Variants in GPR39 observed in about 807,000 individuals in gnomAD.
GPR39 encodes G protein-coupled receptor 39, also known as zinc sensing receptor.
A neutral mutation model predicts 18.4 loss-of-function variants in GPR39; 23 were observed. That is an observed-to-expected ratio of 1.25 (90% confidence interval 0.90 to 1.77). The LOEUF (loss-of-function observed/expected upper bound fraction) is 1.77. Ranked by LOEUF, GPR39 falls within the 40% of genes most tolerant of loss-of-function variation. GPR39 has a pLI of 0.00. For synonymous variants in GPR39, 280 were observed against 257.9 expected (o/e 1.09, Z -0.82); for missense variants, 647 against 602.4 (o/e 1.07, Z -0.78).
chr2:132,551,327 G>C (rs991661135), intron 1 of GPR39, among the ~76,000 whole-genome samples: 7 of 152,140 alleles, frequency 4.6e-5, no homozygotes, highest in African/African-American at 1.4e-4. Context: ...CTTCTGTTTA[G>C]ATCTCACTAG....
At chr2:132,455,218 A>T (rs958151942) in intron 1 of GPR39, among the ~76,000 whole-genome samples, 1 of 152,244 alleles carries the variant, frequency 6.6e-6, no homozygotes, top group Middle Eastern at 3.4e-3. Context: ...GGGAGGGTGT[A>T]TGTGTCCAGG....
intron 1 of GPR39, among the ~76,000 whole-genome samples, chr2:132,531,851 T>C (rs58695759): frequency 1.3e-5 from 2 of 152,114 alleles, no homozygotes; most frequent in Non-Finnish European, 2.9e-5. Flanking sequence ...TTCAAAGCAG[T>C]GTGTAGAGGG....
chr2:132,620,148 G>A (rs923263631), intron 1 of GPR39, among the ~76,000 whole-genome samples: 1 of 152,158 alleles, frequency 6.6e-6, no homozygotes, highest in African/African-American at 2.4e-5. Context: ...TGAGGGTGAG[G>A]CCCAGAGGTC....
chr2:132,606,891 G>A (rs754525973), intron 1 of GPR39, among the ~76,000 whole-genome samples: 22 of 152,206 alleles, frequency 1.4e-4, no homozygotes, highest in Non-Finnish European at 2.6e-4. Context: ...CCTGGAGTCC[G>A]CGTTGCCCCT....
intron 1 of GPR39, among the ~76,000 whole-genome samples, chr2:132,581,196 G>C (rs1680616446): frequency 6.6e-6 from 1 of 151,936 alleles, no homozygotes; most frequent in Admixed American, 6.6e-5. Context: ...GCTTTATTTT[G>C]TTAAATCATT....
rs1453548689 is a variant in GPR39, at chr2:132,417,284, T to A, written c.242T>A (p.Leu81Ter). The change falls in exon 1 of 2, where the codon TTG (leucine) becomes TAG (stop). Residue 81 changes from leucine to a stop codon, truncating the protein, a stop_gained. Coordinates refer to ENST00000329321, the MANE Select transcript of GPR39 (RefSeq NM_001508.3). LOFTEE classifies it high-confidence loss of function. ...HMVSLACSDI[L>*]VFLIGMPMEF... is the part of the protein sequence containing the mutation. ...GTGAGTTTGGCTTGCTCGGACATCT[T>A]GGTGTTCCTCATCGGCATGCCCATG... is the stretch of plus-strand genomic sequence containing the variant. 6.2e-7 allele frequency: 1 copy of A among 1,614,138 alleles called. No homozygotes were observed. Among genetic ancestry groups the A allele is most frequent in the South Asian group, 1.1e-5 (1 of 91,076 alleles).
At chr2:132,531,801 TGA>T (rs1427243180) in intron 1 of GPR39, among the ~76,000 whole-genome samples, 22 of 152,092 alleles carry the variant, frequency 1.4e-4, no homozygotes, top group Admixed American at 3.9e-4. Flanking sequence ...TTGAAACCAA[TGA>T]GAACAAAGAC....
chr2:132,595,826 G>A (rs1242640302), intron 1 of GPR39, among the ~76,000 whole-genome samples: 1 of 152,174 alleles, frequency 6.6e-6, no homozygotes, highest in Non-Finnish European at 1.5e-5. Context: ...AACCACCAAA[G>A]CAGGTTTCTA....
intron 1 of GPR39, among the ~76,000 whole-genome samples, chr2:132,532,902 A>G (rs1336952895): frequency 6.6e-6 from 1 of 152,204 alleles, no homozygotes; most frequent in East Asian, 1.9e-4. Flanking sequence ...TTGAATGGAC[A>G]AGAACTGGAA....
chr2:132,580,960 C>CAAAAAAAAAAAAAA (rs538565776), intron 1 of GPR39, among the ~76,000 whole-genome samples: 1 of 55,256 alleles, frequency 1.8e-5, no homozygotes, highest in Non-Finnish European at 4.0e-5. Flanking sequence ...GACTCTGTCT[C>CAAAAAAAAAAAAAA]AAAAAAAAAA....
In GPR39 at chr2:132,416,968, G is replaced by A; in HGVS notation, c.-75G>A. The A allele has an allele frequency of 6.5e-7, 1 of 1,544,324 alleles. No homozygotes were observed. The highest frequency in any genetic ancestry group is 1.2e-5 in the South Asian group (1 of 80,408). ...CCCACGCAGGTGAGTTTGCAGCCAAGAATTTTGGACGCTGCTGGGAGGAGA... is the reference window on the plus strand; with the variant it reads ...CCCACGCAGGTGAGTTTGCAGCCAAAAATTTTGGACGCTGCTGGGAGGAGA... On this transcript the variant is annotated 5_prime_UTR_variant, in exon 1 of 2. Transcript: ENST00000329321.
At chr2:132,557,752 C>T (rs1042352649) in intron 1 of GPR39, among the ~76,000 whole-genome samples, 1 of 152,128 alleles carries the variant, frequency 6.6e-6, no homozygotes, top group Non-Finnish European at 1.5e-5. Flanking sequence ...TTAACTTTAC[C>T]ACATATCTTC....
intron 1 of GPR39, among the ~76,000 whole-genome samples, chr2:132,552,877 T>C (rs867588472): frequency 2.0e-5 from 2 of 102,336 alleles, no homozygotes; most frequent in Admixed American, 9.2e-5. Context: ...TATATACACA[T>C]ATATATATAC....
chr2:132,592,560 G>C (rs1359589569), intron 1 of GPR39, among the ~76,000 whole-genome samples: 1 of 152,142 alleles, frequency 6.6e-6, no homozygotes, highest in Non-Finnish European at 1.5e-5. Flanking sequence ...GCCATTGGGA[G>C]GGCTTGAGCT....
At chr2:132,555,860 A>T (rs980652806) in intron 1 of GPR39, among the ~76,000 whole-genome samples, 3 of 152,192 alleles carry the variant, frequency 2.0e-5, no homozygotes, top group Admixed American at 2.0e-4. Context: ...GTAAGAGGTG[A>T]AAGTGTGTTT....
chr2:132,534,913 A>G (rs1296160221), intron 1 of GPR39, among the ~76,000 whole-genome samples: 2 of 152,038 alleles, frequency 1.3e-5, no homozygotes, highest in East Asian at 3.9e-4. Flanking sequence ...GGGGAGCAGC[A>G]CACCAACATG....
chr2:132,516,976 A>G (rs976610127), intron 1 of GPR39, among the ~76,000 whole-genome samples: 3 of 152,360 alleles, frequency 2.0e-5, no homozygotes, highest in Admixed American at 1.3e-4. Context: ...TTGTAATAGC[A>G]AAAGATTAAA....
chr2:132,557,317 CA>C (rs1358388387), intron 1 of GPR39, among the ~76,000 whole-genome samples: 3 of 152,134 alleles, frequency 2.0e-5, no homozygotes, highest in Non-Finnish European at 4.4e-5. Flanking sequence ...GACTCCATCT[CA>C]AAAAACCCCC....
At chr2:132,584,624 G>GAA (rs751414250) in intron 1 of GPR39, among the ~76,000 whole-genome samples, 2 of 142,838 alleles carry the variant, frequency 1.4e-5, no homozygotes, top group Admixed American at 1.4e-4. Flanking sequence ...TCTTTCAGGG[G>GAA]AAAAAAAAAA....
Sources: allele counts gnomAD v4.1 joint callset (sites outside exome capture counted in the v4.1 genomes callset), GRCh38; gene constraint gnomAD v4.1.1; transcripts MANE v1.5; gene names NCBI Gene and HGNC (gene_info 2026-07-23, HGNC 2026-07-21).